Variants in SNUPN observed in about 807,000 individuals in gnomAD.
SNUPN encodes the protein snurportin 1, also known as snurportin-1.
SNUPN carries 31 observed loss-of-function variants against 39.2 expected under a neutral mutation model. The observed-to-expected ratio is 0.79, with a 90% CI of 0.59 to 1.07. The LOEUF (loss-of-function observed/expected upper bound fraction) is 1.07, where lower values mean the gene tolerates loss of function less well. Among genes scored for constraint, SNUPN ranks in the 50% least tolerant of loss-of-function variants. The pLI, the probability that SNUPN is intolerant of heterozygous loss-of-function variation, is 0.00. For synonymous variants in SNUPN, 132 were observed against 159.0 expected (o/e 0.83, Z 1.28); for missense variants, 382 against 434.2 (o/e 0.88, Z 1.07).
chr15:75,620,971 G>T lies in SNUPN; in HGVS notation c.81C>A (p.Arg27=). ...TGTACTTGGACTTGTACTGGGATAG[G>T]CGGGGGTGTGGGGCAGCTGTGCTGT... The part of the protein sequence containing the change: ...DLNSTAAPHP[R]LSQYKSKYSS... Residue 27 remains arginine (R), a synonymous_variant, in exon 2 of 9, where the codon CGC becomes CGA. Coordinates refer to ENST00000308588, the MANE Select transcript of SNUPN (RefSeq NM_005701.4). The T allele has an allele frequency of 6.2e-7, 1 of 1,614,118 alleles. No individual in the cohort carries two copies.
At chr15:75,611,083 GT>G (rs1892766062) in intron 3 of SNUPN, among the ~76,000 whole-genome samples, 1 of 150,820 alleles carries the variant, frequency 6.6e-6, no homozygotes, top group Non-Finnish European at 1.5e-5. Context: ...CAGGAAAATC[GT>G]TTGAACCCAG....
At chr15:75,606,194 T>C (rs2075329967) in intron 6 of SNUPN, among the ~76,000 whole-genome samples, 1 of 151,952 alleles carries the variant, frequency 6.6e-6, no homozygotes, top group Non-Finnish European at 1.5e-5. Context: ...AAGGACGTGT[T>C]GTAAGGGATT....
chr15:75,621,517 C>T (rs548997045), intron 1 of SNUPN, among the ~76,000 whole-genome samples: 3 of 152,276 alleles, frequency 2.0e-5, no homozygotes, highest in South Asian at 2.1e-4. Context: ...CCTCCTCAGC[C>T]TCTCAAAGTG....
intron 1 of SNUPN, chr15:75,624,786 T>G (rs1413472557): frequency 2.4e-6 from 3 of 1,271,800 alleles, no homozygotes; most frequent in Non-Finnish European, 3.1e-6. Flanking sequence ...GTTGTTTTTT[T>G]TTTGAGACAG....
chr15:75,624,764 T>C (rs1893175340), intron 1 of SNUPN: 1 of 1,283,586 alleles, frequency 7.8e-7, no homozygotes, highest in Non-Finnish European at 1.0e-6. Context: ...GTTTTGTTTT[T>C]TCTTTGTTGT....
intron 5 of SNUPN, among the ~76,000 whole-genome samples, chr15:75,607,653 GT>G: frequency 6.6e-6 from 1 of 152,178 alleles, no homozygotes; most frequent in Non-Finnish European, 1.5e-5. Flanking sequence ...TGCTTTTTGA[GT>G]TCCTATCATA....
chr15:75,613,733 C>A (rs1362557658), intron 3 of SNUPN, among the ~76,000 whole-genome samples: 1 of 151,618 alleles, frequency 6.6e-6, no homozygotes, highest in Non-Finnish European at 1.5e-5. Context: ...CCACAAGAAA[C>A]CACTTCACAC....
chr15:75,603,054 A>G (rs570140704), intron 7 of SNUPN, among the ~76,000 whole-genome samples: 1 of 137,308 alleles, frequency 7.3e-6, no homozygotes, highest in Non-Finnish European at 1.6e-5. Flanking sequence ...TGGCCCAGGT[A>G]TTTTTTTTTT....
At chr15:75,610,115 G>A in intron 3 of SNUPN, 121 bp from the exon 4 acceptor site, 1 of 776,888 alleles carries the variant, frequency 1.3e-6, no homozygotes, top group Non-Finnish European at 2.2e-6. Context: ...TGAGGGCAGA[G>A]AGCCGGGCAC....
intron 3 of SNUPN, among the ~76,000 whole-genome samples, chr15:75,611,548 G>A (rs1481773080): frequency 3.3e-5 from 5 of 150,296 alleles, no homozygotes; most frequent in East Asian, 2.1e-4. Context: ...CACCACGCCC[G>A]GCTCACTTTA....
intron 8 of SNUPN, 127 bp downstream of exon 8, chr15:75,601,011 G>A: frequency 2.7e-6 from 2 of 739,804 alleles, no homozygotes; most frequent in East Asian, 5.4e-5. Flanking sequence ...CCTTTCTCCA[G>A]AATCAGCTTT....
intron 8 of SNUPN, among the ~76,000 whole-genome samples, chr15:75,600,136 G>A (rs2075274087): frequency 6.6e-6 from 1 of 151,588 alleles, no homozygotes; most frequent in Non-Finnish European, 1.5e-5. Context: ...GTGAGCCACT[G>A]TGCCCGGCCA....
intron 3 of SNUPN, 121 bp from the exon 4 acceptor site, chr15:75,610,115 G>C (rs1892739738): frequency 2.6e-6 from 2 of 776,888 alleles, no homozygotes; most frequent in South Asian, 3.1e-5. Context: ...TGAGGGCAGA[G>C]AGCCGGGCAC....
chr15:75,624,282 A>G (rs1893158609), intron 1 of SNUPN, among the ~76,000 whole-genome samples: 1 of 151,764 alleles, frequency 6.6e-6, no homozygotes, highest in Non-Finnish European at 1.5e-5. Flanking sequence ...AGTAATGACC[A>G]AATCCAAAGC....
rs1482780197 is a variant in SNUPN, at chr15:75,622,165, C to T, written c.-5-1109G>A. On this transcript the variant is annotated intron_variant, in intron 1 of 8. Coordinates refer to ENST00000308588, the MANE Select transcript of SNUPN (RefSeq NM_005701.4). ...ATCACTTGAGGCCAGTAGTTCAAGA[C>T]CAACCTGGACAATGTAGTGAGACTA... 2.6e-5 allele frequency among the ~76,000 whole-genome samples: 4 copies of T among 152,228 alleles called. 1 individual carries two copies. The South Asian group carries it at 8.3e-4, about 32-fold the overall frequency.
At chr15:75,607,128 G>T in intron 6 of SNUPN, 88 bp downstream of exon 6, 2 of 850,776 alleles carry the variant, frequency 2.4e-6, no homozygotes, top group Non-Finnish European at 4.1e-6. Flanking sequence ...CCAAGAAGTT[G>T]GTCACATACC....
At chr15:75,606,816 G>A (rs1315233387) in intron 6 of SNUPN, among the ~76,000 whole-genome samples, 1 of 152,060 alleles carries the variant, frequency 6.6e-6, no homozygotes, top group Non-Finnish European at 1.5e-5. Context: ...AGTAGATGGT[G>A]ACTTACATTC....
intron 3 of SNUPN, among the ~76,000 whole-genome samples, chr15:75,612,830 T>G (rs923944719): frequency 2.6e-5 from 4 of 152,012 alleles, no homozygotes; most frequent in Non-Finnish European, 4.4e-5. Flanking sequence ...TTAAGCATAA[T>G]CTAGGCAAAT....
At chr15:75,603,585 T>C (rs941592494) in intron 7 of SNUPN, among the ~76,000 whole-genome samples, 3 of 139,458 alleles carry the variant, frequency 2.2e-5, no homozygotes, top group Non-Finnish European at 4.5e-5. Context: ...GCTGTGAACC[T>C]GGGAGGCGGA....
Sources: allele counts gnomAD v4.1 joint callset (sites outside exome capture counted in the v4.1 genomes callset), GRCh38; gene constraint gnomAD v4.1.1; transcripts MANE v1.5; gene names NCBI Gene and HGNC (gene_info 2026-07-23, HGNC 2026-07-21).